Variants in CROCC2 observed in about 807,000 individuals in gnomAD.
CROCC2 encodes ciliary rootlet coiled-coil protein 2.
In CROCC2, 163 loss-of-function variants were observed where a neutral mutation model predicts 177.6. The observed-to-expected ratio is 0.92, with a 90% CI of 0.81 to 1.05. The LOEUF is 1.05. Among genes scored for constraint, CROCC2 ranks in the 50% least tolerant of loss-of-function variants. The pLI is 0.00. For missense variants in CROCC2, 1,929 were observed against 1,797.8 expected, an observed-to-expected ratio of 1.07 and a Z score of -1.32; for synonymous variants, 904 against 787.3, an observed-to-expected ratio of 1.15 and a Z score of -2.48.
In CROCC2 at chr2:240,965,363, G is replaced by A. The variant is rs1393570769; in HGVS notation, c.3466-18G>A. 6.5e-7 allele frequency: 1 copy of A among 1,548,860 alleles called. No individual in the cohort carries two copies. Among genetic ancestry groups the A allele is most frequent in the Non-Finnish European group, 8.7e-7 (1 of 1,146,714 alleles). On this transcript the variant is annotated intron_variant, in intron 22 of 31. Transcript: ENST00000690015. ...CACAGAGACCAGTGACCCTGTCCGT[G>A]CGGCCCCACGCTCCCAGGTGAGGAC...
intron 21 of CROCC2, 78 bp from the exon 22 acceptor site, chr2:240,964,388 G>T: frequency 6.7e-7 from 1 of 1,491,802 alleles, no homozygotes; most frequent in Non-Finnish European, 9.1e-7. Context: ...CCTCACTAGG[G>T]GAGGCAGAGA....
At chr2:240,934,211 A>G (rs1356637742) in intron 11 of CROCC2, 120 bp from the exon 12 acceptor site, 8 of 1,139,866 alleles carry the variant, frequency 7.0e-6, no homozygotes, top group South Asian at 1.6e-5. Flanking sequence ...CAGGGACTCC[A>G]TGCTCCTCCT....
Position 240,933,862 on chromosome 2 carries a change from C to T in CROCC2, c.1646+10C>T, listed in dbSNP as rs1324529147. On this transcript the variant is annotated intron_variant, in intron 11 of 31. Coordinates refer to ENST00000690015, the MANE Select transcript of CROCC2 (RefSeq NM_001351305.2). ...GGGCACTGGAGACCAGGTGCGCGGCCGTGGCTGGGTGGGCAGGGCCCCTCC... is the reference window on the plus strand; with the variant it reads ...GGGCACTGGAGACCAGGTGCGCGGCTGTGGCTGGGTGGGCAGGGCCCCTCC... 23 of 1,539,352 alleles carry T rather than the reference C, an allele frequency of 1.5e-5. No homozygotes were observed. The highest frequency in any genetic ancestry group is 2.0e-5 in the Admixed American group (1 of 50,780).
intron 9 of CROCC2, 92 bp downstream of exon 9, chr2:240,933,000 G>A: frequency 1.4e-6 from 2 of 1,468,232 alleles, no homozygotes; most frequent in African/African-American, 2.8e-5. Flanking sequence ...GCCTGCCCCT[G>A]AGCCCCATGG....
In CROCC2 at chr2:240,955,909, C is replaced by A; in HGVS notation, c.2880C>A (p.Ser960=). Residue 960 remains serine (S), a synonymous_variant, in exon 19 of 32, where the codon TCC becomes TCA. Transcript: ENST00000690015. ...TERSLLSEEL[S]RARRTLERVQ... is the part of the protein sequence containing the mutation. The stretch of plus-strand genomic sequence containing the variant: ...GGAGCCTTCTGAGTGAGGAGCTCTC[C>A]AGGGCCAGGAGGACGCTAGAGCGGG... 6.5e-7 allele frequency: 1 copy of A among 1,535,016 alleles called. No individual in the cohort carries two copies. The highest frequency in any genetic ancestry group is 8.7e-7 in the Non-Finnish European group (1 of 1,146,898).
chr2:240,933,655 C>T lies in CROCC2; in HGVS notation c.1464-15C>T. ...GTGTCCAGGGCCGCCCCAACTCTGC[C>T]CCCACCATCCCCAGGGAGAAGGCTG... On this transcript the variant is annotated splice_polypyrimidine_tract_variant and intron_variant, in intron 10 of 31. Coordinates refer to ENST00000690015, the MANE Select transcript of CROCC2 (RefSeq NM_001351305.2). 1.9e-6 allele frequency: 3 copies of T among 1,549,396 alleles called. No homozygotes were observed. The highest frequency in any genetic ancestry group is 1.7e-6 in the Non-Finnish European group (2 of 1,146,250).
At chr2:240,933,904 C>T in intron 11 of CROCC2, 52 bp downstream of exon 11, 1 of 1,506,814 alleles carries the variant, frequency 6.6e-7, no homozygotes, top group South Asian at 1.2e-5. Flanking sequence ...AGAGACCCCA[C>T]TCTGCCACCA....
intron 27 of CROCC2, among the ~76,000 whole-genome samples, chr2:240,970,749 G>A (rs537951493): frequency 1.6e-4 from 24 of 152,302 alleles, no homozygotes; most frequent in African/African-American, 5.5e-4. Context: ...TTCTCTTGGT[G>A]TCTGTGGACC....
chr2:240,935,091 C>A, intron 13 of CROCC2, 29 bp downstream of exon 13: 1 of 1,323,464 alleles, frequency 7.6e-7, no homozygotes, highest in Non-Finnish European at 9.7e-7. Flanking sequence ...GGGCGGGCCT[C>A]GCTGGAACCT....
intron 5 of CROCC2, chr2:240,929,632 T>G: frequency 2.2e-6 from 1 of 455,252 alleles, no homozygotes; most frequent in Non-Finnish European, 4.4e-6. Flanking sequence ...TCTAACTTGC[T>G]TCTGTGTCCC....
rs954547619 is a variant in CROCC2, at chr2:240,966,238, C to T, written c.3975C>T (p.Ser1325=). 5.2e-6 allele frequency: 4 copies of T among 771,510 alleles called. No individual in the cohort carries two copies. Among genetic ancestry groups the T allele is most frequent in the Admixed American group, 4.2e-5 (1 of 23,784 alleles). The allele number at this position is 771,510 out of a possible 1,614,324, so 47.8% of individuals were successfully genotyped here. A position where few individuals can be genotyped will look rare whatever the true frequency, so the allele number is the denominator to read the frequency against. Reference sequence around the variant, plus strand: ...CACCTCCCGCAGGCTCCGACAGCTCCCAGGCTCTCCCTGGGCAACAGGGTA... The same window carrying T: ...CACCTCCCGCAGGCTCCGACAGCTCTCAGGCTCTCCCTGGGCAACAGGGTA... ...PGSPTKGSDS[S]QALPGQQGTS... Residue 1325 remains serine, a synonymous_variant, in exon 25 of 32, where the codon TCC becomes TCT. Transcript: ENST00000690015.
chr2:240,970,123 T>C (rs1482618824), intron 27 of CROCC2, among the ~76,000 whole-genome samples: 1 of 152,246 alleles, frequency 6.6e-6, no homozygotes, highest in Non-Finnish European at 1.5e-5. Flanking sequence ...CTAAGGATGA[T>C]GTGTTGAATT....
intron 1 of CROCC2, among the ~76,000 whole-genome samples, chr2:240,907,458 CT>C (rs1346484194): frequency 6.6e-6 from 1 of 152,198 alleles, no homozygotes; most frequent in East Asian, 1.9e-4. Flanking sequence ...CCCTGACGAA[CT>C]GGCTTACTCA....
intron 29 of CROCC2, 144 bp from the exon 30 acceptor site, chr2:240,989,510 C>A: frequency 1.4e-6 from 1 of 699,540 alleles, no homozygotes; most frequent in Non-Finnish European, 2.3e-6. Context: ...CCCAGGTCTG[C>A]TGGGCAGTCC....
rs554338691 is a variant in CROCC2 at position 240,986,148 on chromosome 2, C to T, written c.4552-2591C>T. On this transcript the variant is annotated intron_variant, in intron 28 of 31. Transcript: ENST00000690015. ...TCCTGCACCGCGACTGGCTCACAAA[C>T]GGGGCTGAGTGGAGAGGGTGGTGCA... 9 of 351,014 alleles carry T rather than the reference C, an allele frequency of 2.6e-5. No individual in the cohort carries two copies. The East Asian group carries it at 4.2e-4, about 16-fold the overall frequency. The allele number at this position is 351,014 out of a possible 1,614,324, so 21.7% of individuals were successfully genotyped here.
chr2:240,968,263 G>A lies in CROCC2; in HGVS notation c.4401+1G>A, dbSNP rs548562298. 4.4e-4 allele frequency: 671 copies of A among 1,527,826 alleles called. 4 individuals are homozygous for A. The highest frequency in any genetic ancestry group is 1.4e-4 in the Non-Finnish European group (159 of 1,143,056). The allele number at this position is 1,527,826 out of a possible 1,614,324, so 94.6% of individuals were successfully genotyped here. On this transcript the variant is annotated splice_donor_variant, in intron 27 of 31. Coordinates refer to ENST00000690015, the MANE Select transcript of CROCC2 (RefSeq NM_001351305.2). LOFTEE classifies it high-confidence loss of function. ...AGGCCAGGAGAAGCGGCGGCTGCAG[G>A]TGGGGCAGGCGGCAGGGTGGGTCCC...
At chr2:240,961,289 T>C (rs13015336) in intron 20 of CROCC2, among the ~76,000 whole-genome samples, 103,560 of 151,988 alleles carry the variant, frequency 0.68, 36,108 homozygotes, top group African/African-American at 0.82. Flanking sequence ...GGTGTACACT[T>C]GACACTCAGA....
In CROCC2 at chr2:240,918,183, G is replaced by A. The variant is rs1330399563; in HGVS notation, c.79-543G>A. ...TGGAGGGGCAGTGGGCAGCTGAGCA[G>A]AGAAGGATGGGTTCAGCCTCAGCCC... On this transcript the variant is annotated intron_variant, in intron 1 of 31. Transcript: ENST00000690015. This position sits in a 1 kb window ranked among gnomAD's most constrained non-coding sequence, Gnocchi z 6.3. 6.6e-6 allele frequency among the ~76,000 whole-genome samples: 1 copy of A among 152,202 alleles called. No individual in the cohort carries two copies. The highest frequency in any genetic ancestry group is 6.5e-5 in the Admixed American group (1 of 15,290).
rs2059543701 is a variant in CROCC2 at position 240,949,932 on chromosome 2, A to G, written c.2652+230A>G. On this transcript the variant is annotated intron_variant, in intron 17 of 31. Transcript: ENST00000690015. The surrounding 1 kb of genome is among the most constrained non-coding windows in gnomAD (Gnocchi z 4.5). ...TTTGTATTTGGGGCGGGCCTCCCTC[A>G]TGGAAGAGGCTGGAAGGGCTGCTGG... Among the ~76,000 whole-genome samples, 4 of 152,118 alleles carry G rather than the reference A, an allele frequency of 2.6e-5. 1 individual carries two copies. The South Asian group carries it at 8.3e-4, about 32-fold the overall frequency.
Sources: gnomAD v4.1 joint callset for allele counts (sites outside exome capture counted in the v4.1 genomes callset) on GRCh38, gnomAD v4.1.1 for gene constraint, Gnocchi (gnomAD v3.1) non-coding constraint, MANE v1.5 for transcripts, NCBI Gene and HGNC (gene_info 2026-07-23, HGNC 2026-07-21) for gene names.